INTS2: variants seen among roughly 807,000 people sequenced by gnomAD.
The protein encoded by INTS2 is KIAA1287.
INTS2 carries 57 observed loss-of-function variants against 139.6 expected under a neutral mutation model. The observed-to-expected ratio is 0.41, with a 90% confidence interval of 0.33 to 0.51. The LOEUF (loss-of-function observed/expected upper bound fraction) is 0.51, where lower values mean the gene tolerates loss of function less well. Ranked by LOEUF, INTS2 falls within the 20% of genes least tolerant of loss-of-function variation. The probability of loss-of-function intolerance (pLI) is 0.28; values close to 1 mark genes in which losing one functional copy is unlikely to be tolerated. For synonymous variants in INTS2, 473 were observed against 493.4 expected (o/e 0.96, Z 0.55); for missense variants, 1,196 against 1,436.7 (o/e 0.83, Z 2.71).
chr17:61,911,770 C>T, intron 6 of INTS2, 77 bp from the exon 7 acceptor site: 1 of 1,469,974 alleles, frequency 6.8e-7, no homozygotes, highest in Non-Finnish European at 9.2e-7. Flanking sequence ...TCTAAAGTAT[C>T]TAAAGTTTAG....
chr17:61,885,023 T>C lies in INTS2; in HGVS notation c.1985-18A>G, dbSNP rs560392500. On this transcript the variant is annotated intron_variant, in intron 15 of 24. Transcript: ENST00000251334. ...CATGGCAGCTATCAAAGATAAAAAGTGTAAAATAAATAAAATGTCCAGAAA... is the reference window on the plus strand; with the variant it reads ...CATGGCAGCTATCAAAGATAAAAAGCGTAAAATAAATAAAATGTCCAGAAA... The C allele has an allele frequency of 2.2e-5, 32 of 1,481,268 alleles. No homozygotes were observed. In the African/African-American group the frequency reaches 3.8e-4, roughly 17 times the overall value. 91.8% of individuals were successfully genotyped at this position (1,481,268 alleles called of 1,614,324 possible).
chr17:61,877,913 C>T lies in INTS2; in HGVS notation c.2430G>A (p.Met810Ile). 1.2e-6 allele frequency: 2 copies of T among 1,613,370 alleles called. No homozygotes were observed. Among genetic ancestry groups the T allele is most frequent in the Non-Finnish European group, 1.7e-6 (2 of 1,179,412 alleles). Residue 810 changes from methionine to isoleucine, a missense_variant, in exon 18 of 25, where the codon ATG becomes ATA. By Grantham distance (10) the Met-to-Ile change is conservative. Coordinates refer to ENST00000251334, the MANE Select transcript of INTS2 (RefSeq NM_001351695.2). ...RILQTVNKLWMVLNTVMPRRL... is the reference protein window; with the variant it reads ...RILQTVNKLWIVLNTVMPRRL... Reference sequence around the variant, plus strand: ...TTCTAGGCATCACAGTATTAAGAACCATCCATAGTTTATTGACTGTTTGCA... The same window carrying T: ...TTCTAGGCATCACAGTATTAAGAACTATCCATAGTTTATTGACTGTTTGCA...
chr17:61,925,306 C>T (rs996869502), intron 2 of INTS2, among the ~76,000 whole-genome samples: 9 of 152,196 alleles, frequency 5.9e-5, no homozygotes, highest in Non-Finnish European at 1.3e-4. Context: ...ATAGGCCAGG[C>T]ACAGTGGCTC....
chr17:61,878,953 A>AAC (rs1567891580), intron 17 of INTS2, among the ~76,000 whole-genome samples: 9 of 146,096 alleles, frequency 6.2e-5, no homozygotes, highest in East Asian at 1.9e-4. Flanking sequence ...AAAAAAAAAA[A>AAC]ACACTTTACT....
At position 61,889,843 on chromosome 17, in the gene INTS2, C is replaced by T. The variant is rs762617199; in HGVS notation, c.1927G>A (p.Val643Met). The T allele has an allele frequency of 1.1e-5, 17 of 1,612,522 alleles. No individual in the cohort carries two copies. In the African/African-American group the frequency reaches 2.0e-4, roughly 19 times the overall value. ...TCATAAGACAGTATATAGTAGAGCA[C>T]CAAAAGCTGTGCTGTGATACTGAAA... ...QRFSITAQLLVLYYILSYEEA... is the reference protein window; with the variant it reads ...QRFSITAQLLMLYYILSYEEA... Residue 643 changes from valine (V) to methionine (M), a missense_variant, in exon 15 of 25, where the codon GTG becomes ATG. This residue lies in a region of INTS2 where 1,129 missense variants were observed against 1,341.9 expected (regional missense o/e 0.84). Transcript: ENST00000251334.
At position 61,872,311 on chromosome 17, in the gene INTS2, G is replaced by T; in HGVS notation, c.2732C>A (p.Pro911Gln). The T allele has an allele frequency of 6.2e-7, 1 of 1,612,678 alleles. No individual in the cohort carries two copies. The highest frequency in any genetic ancestry group is 8.5e-7 in the Non-Finnish European group (1 of 1,179,140). The change falls in exon 20 of 25, where the codon CCG becomes CAG. Residue 911 changes from proline to glutamine, a missense_variant. By Grantham distance (76) the Pro-to-Gln change is moderately conservative. Coordinates refer to ENST00000251334, the MANE Select transcript of INTS2 (RefSeq NM_001351695.2). This position sits in a 1 kb window ranked among gnomAD's most constrained non-coding sequence, Gnocchi z 4.8. Reference protein sequence around the residue: ...TIGLVGQTDAPEVTREELKNA... With the variant: ...TIGLVGQTDAQEVTREELKNA... Reference sequence around the variant, plus strand: ...TTTCAATTCTTCCCTGGTAACTTCCGGAGCATCAGTTTGTCCAACTAAACC... The same window carrying T: ...TTTCAATTCTTCCCTGGTAACTTCCTGAGCATCAGTTTGTCCAACTAAACC...
At chr17:61,898,066 A>G (rs1603378188) in intron 9 of INTS2, among the ~76,000 whole-genome samples, 1 of 152,170 alleles carries the variant, frequency 6.6e-6, no homozygotes, top group Non-Finnish European at 1.5e-5. Context: ...AAACAACTAC[A>G]CAACAGCTGA....
rs749391688 is a variant in INTS2, at chr17:61,912,010, C to T, written c.710G>A (p.Arg237His). 10 of 1,613,582 alleles carry T rather than the reference C, an allele frequency of 6.2e-6. No homozygotes were observed. Among genetic ancestry groups the T allele is most frequent in the Middle Eastern group, 1.6e-4 (1 of 6,082 alleles). The stretch of plus-strand genomic sequence containing the variant: ...CAAGAAGCGTAAGGCATCTGTCCTG[C>T]GCCTTCCTCCAAGACTTTCTTCATC... ...RQDEESLGGRRRTDALRFLCK... is the reference protein window; with the variant it reads ...RQDEESLGGRHRTDALRFLCK... Residue 237 changes from arginine to histidine, a missense_variant, in exon 6 of 25, where the codon CGC becomes CAC. This residue lies in a region of INTS2 where 1,129 missense variants were observed against 1,341.9 expected (regional missense o/e 0.84). Coordinates refer to ENST00000251334, the MANE Select transcript of INTS2 (RefSeq NM_001351695.2).
At chr17:61,925,586 A>G (rs558470879) in intron 2 of INTS2, among the ~76,000 whole-genome samples, 1 of 151,748 alleles carries the variant, frequency 6.6e-6, no homozygotes, top group Non-Finnish European at 1.5e-5. Context: ...AAAAAAAAAT[A>G]AAAATAAAAA....
rs958652866 is a variant in INTS2 at position 61,882,129 on chromosome 17, T to C, written c.2090-958A>G. On this transcript the variant is annotated intron_variant, in intron 16 of 24. Transcript: ENST00000251334. This position sits in a 1 kb window ranked among gnomAD's most constrained non-coding sequence, Gnocchi z 4.7. ...TGAATACCTGAAAGGTCTCAGGTAC[T>C]TTATGTACGTTTTCTCATCTCTCCC... 6.6e-6 allele frequency among the ~76,000 whole-genome samples: 1 copy of C among 152,212 alleles called. No homozygotes were observed. The highest frequency in any genetic ancestry group is 2.4e-5 in the African/African-American group (1 of 41,474).
chr17:61,874,924 C>A lies in INTS2; in HGVS notation c.2571G>T (p.Gln857His). The change falls in exon 19 of 25, where the codon CAG becomes CAT. Residue 857 changes from glutamine to histidine, a missense_variant. By Grantham distance (24) the Gln-to-His change is conservative (BLOSUM62 0). Around this residue, in one of 3 missense-constraint regions of INTS2, gnomAD observed 1,129 missense variants for 1,341.9 expected, o/e 0.84. Transcript: ENST00000251334. Reference sequence around the variant, plus strand: ...CAAATGACATGTACCTGTGAACCCTCTGATCACACCTTAGGACAATGAGAG... The same window carrying A: ...CAAATGACATGTACCTGTGAACCCTATGATCACACCTTAGGACAATGAGAG... ...IDPLIVLRCD[Q>H]RVHRCPPLMD... 1.3e-6 allele frequency: 2 copies of A among 1,590,558 alleles called. No homozygotes were observed. Among genetic ancestry groups the A allele is most frequent in the South Asian group, 2.3e-5 (2 of 86,774 alleles).
chr17:61,875,065 A>C lies in INTS2; in HGVS notation c.2457-27T>G, dbSNP rs1447035511. On this transcript the variant is annotated intron_variant, in intron 18 of 24. Transcript: ENST00000251334. This position sits in a 1 kb window ranked among gnomAD's most constrained non-coding sequence, Gnocchi z 4.6. ...TGATAAGAAAATAATCACATGTTCA[A>C]AACAGTTTTTTATATATTAAAATCT... is the stretch of plus-strand genomic sequence containing the variant. The C allele has an allele frequency of 1.9e-6, 3 of 1,541,266 alleles. No homozygotes were observed. The highest frequency in any genetic ancestry group is 2.6e-6 in the Non-Finnish European group (3 of 1,141,774).
intron 16 of INTS2, 100 bp from the exon 17 acceptor site, chr17:61,881,271 G>A: frequency 3.2e-6 from 3 of 934,172 alleles, no homozygotes; most frequent in South Asian, 1.7e-5. Flanking sequence ...CACAAGGAAA[G>A]AGGGTTATGC....
intron 9 of INTS2, among the ~76,000 whole-genome samples, chr17:61,898,089 A>G (rs995467551): frequency 2.0e-5 from 3 of 152,204 alleles, no homozygotes; most frequent in African/African-American, 7.2e-5. Flanking sequence ...TTTATTTCAT[A>G]TAGAAAAAAA....
At chr17:61,896,262 A>C (rs977219574) in intron 11 of INTS2, among the ~76,000 whole-genome samples, 2 of 151,090 alleles carry the variant, frequency 1.3e-5, no homozygotes, top group African/African-American at 4.9e-5. Context: ...CAAAAAAAAA[A>C]CATTTAATAT....
Position 61,873,677 on chromosome 17 carries a change from C to G in INTS2, c.2583-1217G>C, listed in dbSNP as rs566956600. Reference sequence around the variant, plus strand: ...TTCCTATTTCCTATGAGATCTTAATCTTACCAAACCATATTTAGCTAATTT... The same window carrying G: ...TTCCTATTTCCTATGAGATCTTAATGTTACCAAACCATATTTAGCTAATTT... On this transcript the variant is annotated intron_variant, in intron 19 of 24. Transcript: ENST00000251334. The surrounding 1 kb of genome is among the most constrained non-coding windows in gnomAD (Gnocchi z 4.0). Among the ~76,000 whole-genome samples, 16 of 152,252 alleles carry G rather than the reference C, an allele frequency of 1.1e-4. No individual in the cohort carries two copies. Among genetic ancestry groups the G allele is most frequent in the African/African-American group, 3.4e-4 (14 of 41,552 alleles).
chr17:61,897,467 A>C lies in INTS2; in HGVS notation c.1494+2T>G, dbSNP rs1308899257. On this transcript the variant is annotated splice_donor_variant, in intron 11 of 24. Coordinates refer to ENST00000251334, the MANE Select transcript of INTS2 (RefSeq NM_001351695.2). LOFTEE classifies it high-confidence loss of function. This position sits in a 1 kb window ranked among gnomAD's most constrained non-coding sequence, Gnocchi z 4.4. Reference sequence around the variant, plus strand: ...TTTAGAAAGAAGTTAAAAGAAAATTACCTTCATCCCCAAAGTGGAACAGAC... The same window carrying C: ...TTTAGAAAGAAGTTAAAAGAAAATTCCCTTCATCCCCAAAGTGGAACAGAC... 1 of 1,530,782 alleles carries C rather than the reference A, an allele frequency of 6.5e-7. No individual in the cohort carries two copies. 94.8% of individuals were successfully genotyped at this position (1,530,782 alleles called of 1,614,324 possible).
intron 17 of INTS2, among the ~76,000 whole-genome samples, chr17:61,880,473 CCAG>C: frequency 6.6e-6 from 1 of 152,202 alleles, no homozygotes; most frequent in Non-Finnish European, 1.5e-5. Context: ...AAATTCCTGG[CCAG>C]GCACAGTGGC....
intron 9 of INTS2, among the ~76,000 whole-genome samples, chr17:61,902,333 T>C (rs1401739382): frequency 1.3e-5 from 2 of 152,208 alleles, no homozygotes; most frequent in African/African-American, 4.8e-5. Context: ...TTGGGTGTTC[T>C]GTCTAAAACC....
Sources: gnomAD v4.1 joint callset for allele counts (sites outside exome capture counted in the v4.1 genomes callset) on GRCh38, gnomAD v4.1.1 for gene constraint, gnomAD v4.1.1 regional missense constraint, Gnocchi (gnomAD v3.1) non-coding constraint, MANE v1.5 for transcripts, NCBI Gene and HGNC (gene_info 2026-07-23, HGNC 2026-07-21) for gene names.